Variants in PRKN observed in about 807,000 individuals in gnomAD.
The protein encoded by PRKN is parkin RBR E3 ubiquitin protein ligase, also known as E3 ubiquitin-protein ligase parkin.
PRKN carries 56 observed loss-of-function variants against 59.5 expected under a neutral mutation model. The observed-to-expected ratio is 0.94, with a 90% CI of 0.76 to 1.18. The LOEUF (loss-of-function observed/expected upper bound fraction) is 1.18, where lower values mean the gene tolerates loss of function less well. Ranked by LOEUF, PRKN falls within the 50% of genes most tolerant of loss-of-function variation. The pLI is 0.00. For missense variants in PRKN, 657 were observed against 596.4 expected (o/e 1.10, Z -1.06); for synonymous variants, 250 against 222.1 (o/e 1.13, Z -1.12).
rs527484381 is a variant in PRKN at position 161,731,884 on chromosome 6, C to T, written c.871+53888G>A. ...ATAAATATTATGTTAATAACTGTGACGACTTGGTAGAAAGGTGTATGTTTC... is the reference window on the plus strand; with the variant it reads ...ATAAATATTATGTTAATAACTGTGATGACTTGGTAGAAAGGTGTATGTTTC... On this transcript the variant is annotated intron_variant, in intron 7 of 11. Coordinates refer to ENST00000366898, the MANE Select transcript of PRKN (RefSeq NM_004562.3). Among the ~76,000 whole-genome samples the T allele has an allele frequency of 1.6e-4, 25 of 152,096 alleles. 1 individual carries two copies. The highest frequency in any genetic ancestry group is 3.4e-3 in the Middle Eastern group (1 of 294).
intron 1 of PRKN, among the ~76,000 whole-genome samples, chr6:162,612,432 GC>G: frequency 6.6e-6 from 1 of 151,664 alleles, no homozygotes; most frequent in East Asian, 2.0e-4. Flanking sequence ...GCTTTCTAGC[GC>G]AGTGGAAACC....
At chr6:162,610,994 A>G (rs1782123079) in intron 1 of PRKN, among the ~76,000 whole-genome samples, 1 of 152,216 alleles carries the variant, frequency 6.6e-6, no homozygotes, top group Non-Finnish European at 1.5e-5. Context: ...AATCATAATT[A>G]TCTTTAGATT....
intron 6 of PRKN, among the ~76,000 whole-genome samples, chr6:161,972,487 C>A (rs962110882): frequency 6.6e-6 from 1 of 152,178 alleles, no homozygotes; most frequent in African/African-American, 2.4e-5. Context: ...TTGGCTCCTA[C>A]ACCGCAATTC....
At position 161,391,644 on chromosome 6, in the gene PRKN, G is replaced by C. The variant is rs552221271; in HGVS notation, c.1084-4767C>G. ...AGTTACTCAAGCAGACACTAATCTT[G>C]GTGTTTCTGTGAAGCTTTCTTGTAG... On this transcript the variant is annotated intron_variant, in intron 9 of 11. Coordinates refer to ENST00000366898, the MANE Select transcript of PRKN (RefSeq NM_004562.3). The surrounding 1 kb of genome is among the most constrained non-coding windows in gnomAD (Gnocchi z 4.9). Among the ~76,000 whole-genome samples, 1 of 152,026 alleles carries C rather than the reference G, an allele frequency of 6.6e-6. No homozygotes were observed. Among genetic ancestry groups the C allele is most frequent in the South Asian group, 2.1e-4 (1 of 4,812 alleles).
At chr6:161,961,375 G>A (rs1377559410) in intron 6 of PRKN, among the ~76,000 whole-genome samples, 1 of 152,140 alleles carries the variant, frequency 6.6e-6, no homozygotes, top group African/African-American at 2.4e-5. Flanking sequence ...GGTAATGTAC[G>A]TATCTAGCCG....
At chr6:161,702,141 A>T (rs1382619249) in intron 7 of PRKN, among the ~76,000 whole-genome samples, 1 of 152,234 alleles carries the variant, frequency 6.6e-6, no homozygotes, top group Non-Finnish European at 1.5e-5. Flanking sequence ...AAAAAATATA[A>T]ATGCCTTACT....
At position 161,385,157 on chromosome 6, in the gene PRKN, T is replaced by C. The variant is rs867047794; in HGVS notation, c.1167+1637A>G. Among the ~76,000 whole-genome samples the C allele has an allele frequency of 6.6e-6, 1 of 152,054 alleles. No individual in the cohort carries two copies. The highest frequency in any genetic ancestry group is 1.5e-5 in the Non-Finnish European group (1 of 68,020). ...GTTGGCCAGGCTGATCTCAATCTCT[T>C]GACCTCATGATCCGCCCACCTCGGC... On this transcript the variant is annotated intron_variant, in intron 10 of 11. Transcript: ENST00000366898. This position sits in a 1 kb window ranked among gnomAD's most constrained non-coding sequence, Gnocchi z 4.9.
intron 1 of PRKN, among the ~76,000 whole-genome samples, chr6:162,458,830 T>C (rs1562780495): frequency 6.6e-6 from 1 of 152,114 alleles, no homozygotes. Context: ...TTTTGTTTTG[T>C]TTTTAAGACA....
chr6:161,963,221 C>T (rs573117270), intron 6 of PRKN, among the ~76,000 whole-genome samples: 1 of 152,334 alleles, frequency 6.6e-6, no homozygotes, highest in Admixed American at 6.5e-5. Context: ...AAGATCCAGA[C>T]AGTTACAACA....
chr6:161,455,245 G>T (rs2115138517), intron 9 of PRKN, among the ~76,000 whole-genome samples: 1 of 151,972 alleles, frequency 6.6e-6, no homozygotes, highest in South Asian at 2.1e-4. Flanking sequence ...CACAATCTTG[G>T]CCAGGCTGGT....
chr6:162,520,924 A>T (rs904378695), intron 1 of PRKN, among the ~76,000 whole-genome samples: 10 of 152,174 alleles, frequency 6.6e-5, no homozygotes, highest in African/African-American at 2.4e-4. Context: ...CCTTAATCTA[A>T]ATTGTTCTTA....
rs531179473 is a variant in PRKN at position 162,253,847 on chromosome 6, TA to T, written c.412+8677del. 1.2e-3 allele frequency among the ~76,000 whole-genome samples: 177 copies of T among 151,176 alleles called. 1 individual carries two copies. The highest frequency in any genetic ancestry group is 4.0e-3 in the African/African-American group (165 of 40,892). On this transcript the variant is annotated intron_variant, in intron 3 of 11. Transcript: ENST00000366898. ...TATCATCAAAAATCTTTTATTGGTA[TA>T]AAAAAGTCCACACAATAAGCAGCTT...
chr6:161,420,184 G>A (rs1240082486), intron 9 of PRKN, among the ~76,000 whole-genome samples: 2 of 150,088 alleles, frequency 1.3e-5, no homozygotes, highest in Non-Finnish European at 2.9e-5. Flanking sequence ...GTTGCAGTGA[G>A]CCGAGATCAT....
chr6:162,386,324 A>G (rs1405268820), intron 2 of PRKN, among the ~76,000 whole-genome samples: 2 of 152,326 alleles, frequency 1.3e-5, no homozygotes, highest in Admixed American at 6.5e-5. Flanking sequence ...AAAAACATAT[A>G]ATTTTATGTC....
At chr6:161,715,694 T>C (rs1786944699) in intron 7 of PRKN, among the ~76,000 whole-genome samples, 1 of 152,152 alleles carries the variant, frequency 6.6e-6, no homozygotes, top group Non-Finnish European at 1.5e-5. Flanking sequence ...AGTTAGGATG[T>C]TGCTCAGTTA....
intron 7 of PRKN, among the ~76,000 whole-genome samples, chr6:161,652,559 A>G (rs1045851785): frequency 1.3e-5 from 2 of 152,198 alleles, no homozygotes; most frequent in Non-Finnish European, 2.9e-5. Flanking sequence ...CTACAGTCCA[A>G]TGTGTAGCGA....
intron 7 of PRKN, among the ~76,000 whole-genome samples, chr6:161,689,872 G>A (rs1425402363): frequency 6.6e-6 from 1 of 151,900 alleles, no homozygotes; most frequent in Non-Finnish European, 1.5e-5. Flanking sequence ...CACCACACCT[G>A]GCTAATTTTG....
intron 2 of PRKN, among the ~76,000 whole-genome samples, chr6:162,277,334 ATTAAC>A (rs1474955310): frequency 1.3e-5 from 2 of 152,240 alleles, no homozygotes; most frequent in Non-Finnish European, 2.9e-5. Context: ...AGGATTCAGC[ATTAAC>A]GACAACAAAG....
At chr6:162,528,069 G>A (rs1334814823) in intron 1 of PRKN, among the ~76,000 whole-genome samples, 47 of 59,202 alleles carry the variant, frequency 7.9e-4, no homozygotes, top group African/African-American at 1.6e-3. Context: ...GGGGGAGGGC[G>A]GGGGGGCGGG....
Sources: gnomAD v4.1 joint callset for allele counts (sites outside exome capture counted in the v4.1 genomes callset) on GRCh38, gnomAD v4.1.1 for gene constraint, Gnocchi (gnomAD v3.1) non-coding constraint, MANE v1.5 for transcripts, NCBI Gene and HGNC (gene_info 2026-07-23, HGNC 2026-07-21) for gene names.